Variants in CCDC88C observed in about 807,000 individuals in gnomAD.
CCDC88C encodes protein Daple.
A neutral mutation model predicts 198.8 loss-of-function variants in CCDC88C; 131 were observed. The ratio of observed to expected loss-of-function variants is 0.66; its 90% CI spans 0.57 to 0.76. CCDC88C has a LOEUF of 0.76. CCDC88C is among the 30% of genes least tolerant of loss of function. CCDC88C has a pLI of 0.00. For synonymous variants in CCDC88C, 1,166 were observed against 1,114.7 expected (o/e 1.05, Z -0.92); for missense variants, 2,553 against 2,631.6 (o/e 0.97, Z 0.65).
At chr14:91,379,674 C>T (rs1846531769) in intron 3 of CCDC88C, 2 of 604,996 alleles carry the variant, frequency 3.3e-6, no homozygotes, top group Middle Eastern at 4.2e-4. Flanking sequence ...CCCCAGCACC[C>T]ATTCTCCTTG....
chr14:91,311,446 C>T (rs60095374), intron 15 of CCDC88C, among the ~76,000 whole-genome samples: 3,160 of 152,256 alleles, frequency 0.021, 123 homozygotes, highest in African/African-American at 0.072. Context: ...TGAGCCCCAC[C>T]CATGCAGCAT....
chr14:91,340,008 T>C lies in CCDC88C; in HGVS notation c.500A>G (p.Glu167Gly). Reference protein sequence around the residue: ...AHIQEVTHNQENVFDLQWLEL... With the variant: ...AHIQEVTHNQGNVFDLQWLEL... ...CAGCCACTGCAGGTCAAACACGTTC[T>C]CTTGGTTGTGAGTCACCTGTGGGCA... Residue 167 changes from glutamate to glycine, a missense_variant, in exon 7 of 30, where the codon GAG becomes GGG. Physicochemically the swap from Glu to Gly is moderately conservative, Grantham distance 98. Around this residue, in one of 2 missense-constraint regions of CCDC88C, gnomAD observed 1,260 missense variants for 1,412.0 expected, o/e 0.89. Transcript: ENST00000389857. 1 of 1,609,484 alleles carries C rather than the reference T, an allele frequency of 6.2e-7. No homozygotes were observed. Among genetic ancestry groups the C allele is most frequent in the Non-Finnish European group, 8.5e-7 (1 of 1,178,500 alleles).
At chr14:91,364,981 G>A (rs1016949752) in intron 3 of CCDC88C, among the ~76,000 whole-genome samples, 9 of 152,204 alleles carry the variant, frequency 5.9e-5, no homozygotes, top group Non-Finnish European at 7.3e-5. Context: ...GACAGGGGAG[G>A]ACGACATCAG....
At chr14:91,361,682 A>ATT (rs1317047595) in intron 3 of CCDC88C, among the ~76,000 whole-genome samples, 1 of 152,180 alleles carries the variant, frequency 6.6e-6, no homozygotes, top group Admixed American at 6.5e-5. Context: ...CAGCTGGTAA[A>ATT]TATCTGTACG....
chr14:91,382,655 GC>G (rs1448834457), intron 3 of CCDC88C, among the ~76,000 whole-genome samples: 1 of 152,138 alleles, frequency 6.6e-6, no homozygotes, highest in African/African-American at 2.4e-5. Flanking sequence ...TCTGACCTCA[GC>G]CCAAGAAGTA....
At chr14:91,391,849 C>T (rs1210901178) in intron 3 of CCDC88C, among the ~76,000 whole-genome samples, 1 of 152,048 alleles carries the variant, frequency 6.6e-6, no homozygotes, top group East Asian at 1.9e-4. Context: ...GTACTATATT[C>T]CTTTTTCTTG....
chr14:91,271,344 T>TA lies in CCDC88C; in HGVS notation c.*1280dup, dbSNP rs977782292. The stretch of plus-strand genomic sequence containing the variant: ...GCACTTCGGTTCCATTCCATTTTAT[T>TA]ACAGTCCTGTCCTTGAGTTCCAGAA... On this transcript the variant is annotated 3_prime_UTR_variant, in exon 30 of 30. Transcript: ENST00000389857. 10 of 152,216 alleles carry TA rather than the reference T, an allele frequency of 6.6e-5. No individual in the cohort carries two copies. The highest frequency in any genetic ancestry group is 2.4e-4 in the African/African-American group (10 of 41,498). The allele number at this position is 152,216 out of a possible 1,614,324, so 9.4% of individuals were successfully genotyped here.
At chr14:91,281,385 A>G in intron 27 of CCDC88C, 72 bp downstream of exon 27, 1 of 1,609,964 alleles carries the variant, frequency 6.2e-7, no homozygotes, top group Non-Finnish European at 8.5e-7. Context: ...GACTCAGCTT[A>G]AAGGAAAGGT....
At chr14:91,361,375 A>C (rs1360184664) in intron 3 of CCDC88C, among the ~76,000 whole-genome samples, 1 of 152,224 alleles carries the variant, frequency 6.6e-6, no homozygotes, top group Non-Finnish European at 1.5e-5. Context: ...TACACAACCC[A>C]CATGGCCCGA....
chr14:91,359,093 C>G (rs1894174901), intron 4 of CCDC88C, among the ~76,000 whole-genome samples: 1 of 151,832 alleles, frequency 6.6e-6, no homozygotes, highest in Non-Finnish European at 1.5e-5. Flanking sequence ...CTCATCTTCC[C>G]AGGAGGAACA....
chr14:91,309,524 C>T (rs1389009170), intron 16 of CCDC88C, among the ~76,000 whole-genome samples: 3 of 150,310 alleles, frequency 2.0e-5, no homozygotes, highest in Non-Finnish European at 2.9e-5. Context: ...GCTGGAGGAT[C>T]GCTTGAACCC....
intron 26 of CCDC88C, 115 bp downstream of exon 26, chr14:91,283,214 C>T (rs1890270701): frequency 2.8e-6 from 3 of 1,070,664 alleles, no homozygotes; most frequent in Admixed American, 2.3e-5. Context: ...CACCCCTCTA[C>T]TCACCACCTC....
chr14:91,320,959 A>G (rs1369389589), intron 13 of CCDC88C, among the ~76,000 whole-genome samples, 161 bp downstream of exon 13: 1 of 152,120 alleles, frequency 6.6e-6, no homozygotes, highest in Non-Finnish European at 1.5e-5. Flanking sequence ...TCCCATTCCT[A>G]TTATAATCAG....
chr14:91,313,672 G>A lies in CCDC88C; in HGVS notation c.2144C>T (p.Thr715Ile). 1 of 1,612,022 alleles carries A rather than the reference G, an allele frequency of 6.2e-7. No individual in the cohort carries two copies. The highest frequency in any genetic ancestry group is 8.5e-7 in the Non-Finnish European group (1 of 1,179,850). The part of the protein sequence containing the change: ...ENLELRRLVE[T>I]MRFTSTKLAQ... ...CAGCTTGGTGCTGGTGAAGCGCATGGTCTCCACCAGCCTGCGCAGCTCCAG... is the reference window on the plus strand; with the variant it reads ...CAGCTTGGTGCTGGTGAAGCGCATGATCTCCACCAGCCTGCGCAGCTCCAG... Residue 715 changes from threonine to isoleucine, a missense_variant, in exon 15 of 30, where the codon ACC becomes ATC. Physicochemically the swap from Thr to Ile is moderately conservative, Grantham distance 89. This residue lies in a region of CCDC88C where 1,260 missense variants were observed against 1,412.0 expected (regional missense o/e 0.89). Transcript: ENST00000389857. The surrounding 1 kb of genome is among the most constrained non-coding windows in gnomAD (Gnocchi z 5.2).
chr14:91,277,927 TG>T lies in CCDC88C; in HGVS notation c.5052del (p.Thr1685ProfsTer12). On this transcript the variant is annotated frameshift_variant, in exon 29 of 30. Coordinates refer to ENST00000389857, the MANE Select transcript of CCDC88C (RefSeq NM_001080414.4). LOFTEE classifies it low-confidence loss of function (END_TRUNC). ...EFLEESNRSS[P>X]THDTPSCRDD... ...TCCGTGTCCGGATCACTCACATGGG[TG>T]GGGGAGCTGCGGTTGCTCTCCTCCA... The T allele has an allele frequency of 6.7e-7, 1 of 1,501,314 alleles. No homozygotes were observed. Among genetic ancestry groups the T allele is most frequent in the Non-Finnish European group, 9.0e-7 (1 of 1,115,836 alleles). The allele number at this position is 1,501,314 out of a possible 1,614,324, so 93.0% of individuals were successfully genotyped here.
chr14:91,354,029 G>A (rs565269380), intron 4 of CCDC88C, among the ~76,000 whole-genome samples: 5 of 152,278 alleles, frequency 3.3e-5, no homozygotes, highest in Non-Finnish European at 5.9e-5. Flanking sequence ...TGTGAAATCT[G>A]TCTTGCGCCT....
At chr14:91,403,959 C>A (rs1886348201) in intron 3 of CCDC88C, among the ~76,000 whole-genome samples, 1 of 152,190 alleles carries the variant, frequency 6.6e-6, no homozygotes, top group Non-Finnish European at 1.5e-5. Context: ...TTTTAAAATG[C>A]CAGATGAAAA....
At position 91,313,015 on chromosome 14, in the gene CCDC88C, T is replaced by G. The variant is rs1402195361; in HGVS notation, c.2736+65A>C. 3.2e-6 allele frequency: 4 copies of G among 1,236,708 alleles called. No individual in the cohort carries two copies. The highest frequency in any genetic ancestry group is 4.5e-6 in the Non-Finnish European group (4 of 883,530). The allele number at this position is 1,236,708 out of a possible 1,614,324, so 76.6% of individuals were successfully genotyped here. ...GAGTCTTATTTCTCTCCTGAAACCATGCACCACAGAACCCACTACCACCAT... is the reference window on the plus strand; with the variant it reads ...GAGTCTTATTTCTCTCCTGAAACCAGGCACCACAGAACCCACTACCACCAT... On this transcript the variant is annotated intron_variant, in intron 15 of 29. Transcript: ENST00000389857. This position sits in a 1 kb window ranked among gnomAD's most constrained non-coding sequence, Gnocchi z 5.2.
rs1369802677 is a variant in CCDC88C, at chr14:91,290,975, C to T, written c.4202+20G>A. On this transcript the variant is annotated intron_variant, in intron 24 of 29. Coordinates refer to ENST00000389857, the MANE Select transcript of CCDC88C (RefSeq NM_001080414.4). ...GCTTTTAAGTTCTGTCTTTATGCCA[C>T]TACACTTAAATCAACTCACTTCTTT... 3 of 1,458,312 alleles carry T rather than the reference C, an allele frequency of 2.1e-6. No individual in the cohort carries two copies. The highest frequency in any genetic ancestry group is 2.8e-5 in the African/African-American group (2 of 72,088). The allele number at this position is 1,458,312 out of a possible 1,614,324, so 90.3% of individuals were successfully genotyped here.
Sources: allele counts gnomAD v4.1 joint callset (sites outside exome capture counted in the v4.1 genomes callset), GRCh38; gene constraint gnomAD v4.1.1; regional missense constraint gnomAD v4.1.1; non-coding constraint Gnocchi (gnomAD v3.1); transcripts MANE v1.5; gene names NCBI Gene and HGNC (gene_info 2026-07-23, HGNC 2026-07-21).